SRBD1: variants seen among roughly 807,000 people sequenced by gnomAD.
The protein encoded by SRBD1 is S1 RNA-binding domain-containing protein 1.
Under a neutral mutation model 115.3 loss-of-function variants are expected in SRBD1, and 88 were observed. The ratio of observed to expected loss-of-function variants is 0.76; its 90% CI spans 0.64 to 0.91. The LOEUF is 0.91. Among genes scored for constraint, SRBD1 ranks in the 40% least tolerant of loss-of-function variants. SRBD1 has a pLI of 0.00. For missense variants in SRBD1, 1,385 were observed against 1,177.4 expected (o/e 1.18, Z -2.58); for synonymous variants, 509 against 407.7 (o/e 1.25, Z -2.99).
chr2:45,431,627 G>C (rs558416231), intron 16 of SRBD1, among the ~76,000 whole-genome samples: 21 of 152,284 alleles, frequency 1.4e-4, no homozygotes, highest in African/African-American at 4.6e-4. Context: ...GGGCCTGTCA[G>C]GGGGTGGAAG....
At chr2:45,562,116 C>G (rs1672682129) in intron 10 of SRBD1, among the ~76,000 whole-genome samples, 1 of 152,108 alleles carries the variant, frequency 6.6e-6, no homozygotes, top group East Asian at 1.9e-4. Context: ...TCCTCACACA[C>G]CCTCCTGGAT....
chr2:45,477,210 T>C, intron 15 of SRBD1, 135 bp from the exon 16 acceptor site: 3 of 654,344 alleles, frequency 4.6e-6, no homozygotes, highest in Non-Finnish European at 7.5e-6. Flanking sequence ...AGGCCAACAA[T>C]TTAAATTTCA....
At chr2:45,471,835 A>G (rs1558417742) in intron 16 of SRBD1, among the ~76,000 whole-genome samples, 1 of 152,140 alleles carries the variant, frequency 6.6e-6, no homozygotes, top group Non-Finnish European at 1.5e-5. Context: ...CCAACTATAA[A>G]TGTATATAAA....
At chr2:45,473,564 A>G (rs1396742793) in intron 16 of SRBD1, among the ~76,000 whole-genome samples, 1 of 152,156 alleles carries the variant, frequency 6.6e-6, no homozygotes, top group African/African-American at 2.4e-5. Context: ...CTCACACTAA[A>G]TTGATGGTTT....
intron 4 of SRBD1, among the ~76,000 whole-genome samples, chr2:45,592,490 C>A (rs1470426215): frequency 6.6e-6 from 1 of 152,146 alleles, no homozygotes; most frequent in Non-Finnish European, 1.5e-5. Flanking sequence ...CTCTTCCGAG[C>A]ATACTTTCCT....
intron 14 of SRBD1, among the ~76,000 whole-genome samples, chr2:45,524,818 G>A (rs528349997): frequency 1.3e-5 from 2 of 152,098 alleles, no homozygotes; most frequent in South Asian, 2.1e-4. Context: ...TGGAATTGAA[G>A]GGGATGCTGA....
At chr2:45,498,789 T>C (rs925457692) in intron 14 of SRBD1, among the ~76,000 whole-genome samples, 11 of 152,178 alleles carry the variant, frequency 7.2e-5, no homozygotes, top group Non-Finnish European at 1.5e-4. Context: ...CATAATGGCC[T>C]CCAGTTCCAT....
chr2:45,571,236 G>T (rs72794725), intron 9 of SRBD1, among the ~76,000 whole-genome samples: 49,074 of 151,564 alleles, frequency 0.32, 8,650 homozygotes, highest in Non-Finnish European at 0.41. Flanking sequence ...GGGAGAGTTT[G>T]GGTTTTTTTC....
At chr2:45,549,708 A>AAAC (rs1171941093) in intron 12 of SRBD1, among the ~76,000 whole-genome samples, 1 of 149,060 alleles carries the variant, frequency 6.7e-6, no homozygotes, top group Non-Finnish European at 1.5e-5. Context: ...AAAAAAAAAA[A>AAAC]AAAAAAAAGG....
At chr2:45,402,576 A>G (rs1013879669) in intron 19 of SRBD1, among the ~76,000 whole-genome samples, 1 of 152,240 alleles carries the variant, frequency 6.6e-6, no homozygotes, top group African/African-American at 2.4e-5. Context: ...CCACTTATAG[A>G]AACTAGTATT....
intron 16 of SRBD1, among the ~76,000 whole-genome samples, chr2:45,452,507 T>A (rs781613552): frequency 6.6e-6 from 1 of 152,002 alleles, no homozygotes; most frequent in Non-Finnish European, 1.5e-5. Context: ...CTATAACTCA[T>A]GTTTAGTTAA....
intron 16 of SRBD1, among the ~76,000 whole-genome samples, chr2:45,429,790 C>T (rs901107175): frequency 1.1e-4 from 17 of 151,996 alleles, no homozygotes; most frequent in African/African-American, 2.4e-4. Flanking sequence ...GTTCTGGCCA[C>T]GGCAATCAGG....
intron 16 of SRBD1, among the ~76,000 whole-genome samples, chr2:45,476,221 A>G (rs754230160): frequency 6.6e-6 from 1 of 152,158 alleles, no homozygotes; most frequent in Non-Finnish European, 1.5e-5. Context: ...ACTCCAGGAC[A>G]CTGCCTCTTT....
In SRBD1 at chr2:45,414,048, ATTACT is replaced by A. The variant is rs1476737549; in HGVS notation, c.2334-760_2334-756del. Among the ~76,000 whole-genome samples, 3 of 152,222 alleles carry A rather than the reference ATTACT, an allele frequency of 2.0e-5. No individual in the cohort carries two copies. In the East Asian group the frequency reaches 5.8e-4, roughly 29 times the overall value. Reference sequence around the variant, plus strand: ...GGCTTTCAAGAGAGAAAATTAAAACATTACTTTAAAAGGATCTGGAATCAGACTAG... The same window carrying A: ...GGCTTTCAAGAGAGAAAATTAAAACATTAAAAGGATCTGGAATCAGACTAG... On this transcript the variant is annotated intron_variant, in intron 18 of 20. Coordinates refer to ENST00000263736, the MANE Select transcript of SRBD1 (RefSeq NM_018079.5).
At chr2:45,435,341 C>G (rs1247037826) in intron 16 of SRBD1, among the ~76,000 whole-genome samples, 1 of 151,940 alleles carries the variant, frequency 6.6e-6, no homozygotes, top group African/African-American at 2.4e-5. Flanking sequence ...TAGACTGTGG[C>G]ACCAGGAGGT....
chr2:45,604,096 A>C (rs6707742), intron 2 of SRBD1, among the ~76,000 whole-genome samples: 5,800 of 152,014 alleles, frequency 0.038, 169 homozygotes, highest in East Asian at 0.12. Flanking sequence ...ATTTCTCATC[A>C]CTTTCACATC....
intron 14 of SRBD1, among the ~76,000 whole-genome samples, chr2:45,504,592 T>C (rs1670741301): frequency 6.6e-6 from 1 of 152,170 alleles, no homozygotes; most frequent in Admixed American, 6.5e-5. Context: ...ATAATAATAG[T>C]TTTTTAAGCC....
intron 10 of SRBD1, among the ~76,000 whole-genome samples, chr2:45,558,685 ATTTTTTTTTTT>A (rs1214807980): frequency 1.1e-4 from 10 of 89,530 alleles, no homozygotes; most frequent in Non-Finnish European, 1.5e-4. Context: ...CCACACAATT[ATTTTTTTTTTT>A]TTTTTTTTTT....
chr2:45,561,429 T>G (rs1440139230), intron 10 of SRBD1, among the ~76,000 whole-genome samples: 1 of 152,250 alleles, frequency 6.6e-6, no homozygotes, highest in East Asian at 1.9e-4. Context: ...TTGCTTTTAA[T>G]GAATTAACAA....
Sources: allele counts gnomAD v4.1 joint callset (sites outside exome capture counted in the v4.1 genomes callset), GRCh38; gene constraint gnomAD v4.1.1; transcripts MANE v1.5; gene names NCBI Gene and HGNC (gene_info 2026-07-23, HGNC 2026-07-21).